The following EPB41L4A variants were observed in gnomAD, a reference collection of about 807,000 sequenced individuals.
EPB41L4A encodes band 4.1-like protein 4A.
In EPB41L4A, 100 loss-of-function variants were observed where a neutral mutation model predicts 108.6. The ratio of observed to expected loss-of-function variants is 0.92; its 90% CI spans 0.78 to 1.09. The LOEUF (loss-of-function observed/expected upper bound fraction) is 1.09, where lower values mean the gene tolerates loss of function less well. Among genes scored for constraint, EPB41L4A ranks in the 50% least tolerant of loss-of-function variants. The probability of loss-of-function intolerance (pLI) is 0.00; values close to 1 mark genes in which losing one functional copy is unlikely to be tolerated. For missense variants in EPB41L4A, 1,030 were observed against 842.7 expected (o/e 1.22, Z -2.75); for synonymous variants, 319 against 289.0 (o/e 1.10, Z -1.05).
At chr5:112,338,894 T>C (rs1362281220) in intron 1 of EPB41L4A, among the ~76,000 whole-genome samples, 1 of 152,190 alleles carries the variant, frequency 6.6e-6, no homozygotes, top group Non-Finnish European at 1.5e-5. Context: ...CAGCAAAGGT[T>C]TGCCAACTAC....
intron 18 of EPB41L4A, among the ~76,000 whole-genome samples, chr5:112,171,304 C>G (rs565926475): frequency 6.6e-6 from 1 of 152,176 alleles, no homozygotes; most frequent in East Asian, 1.9e-4. Context: ...TGATTCAGGG[C>G]GTCTGTTTCT....
chr5:112,183,507 C>T (rs1560055), intron 18 of EPB41L4A: 117,126 of 155,144 alleles, frequency 0.75, 44,686 homozygotes, highest in East Asian at 1. Flanking sequence ...CACACCATTA[C>T]GGTGTAATTG....
intron 11 of EPB41L4A, among the ~76,000 whole-genome samples, chr5:112,236,191 A>G (rs78889156): frequency 0.012 from 1,901 of 152,274 alleles, 41 homozygotes; most frequent in African/African-American, 0.044. Context: ...CTCTAGGAAC[A>G]AAAGAGAAAT....
chr5:112,357,722 G>C (rs963616193), intron 1 of EPB41L4A, among the ~76,000 whole-genome samples: 1 of 152,150 alleles, frequency 6.6e-6, no homozygotes, highest in African/African-American at 2.4e-5. Context: ...CTGAATCATG[G>C]GGTAAAGGTT....
At chr5:112,147,065 G>T (rs527871420) in intron 12 of EPB41L4A, among the ~76,000 whole-genome samples, 18 of 152,294 alleles carry the variant, frequency 1.2e-4, no homozygotes, top group African/African-American at 4.1e-4. Flanking sequence ...AATGTGTAAA[G>T]TGTAATGTGC....
intron 1 of EPB41L4A, among the ~76,000 whole-genome samples, chr5:112,311,485 C>T (rs1364590111): frequency 6.6e-6 from 1 of 152,134 alleles, no homozygotes; most frequent in Admixed American, 6.5e-5. Flanking sequence ...AATGGTTTCC[C>T]AGAGCTTTTT....
rs773584971 is a variant in EPB41L4A, at chr5:112,262,594, C to G, written c.555-13G>C. On this transcript the variant is annotated splice_polypyrimidine_tract_variant and intron_variant, in intron 6 of 22. Transcript: ENST00000261486. The stretch of plus-strand genomic sequence containing the variant: ...AGGAATCTGACCCCTACACCCAGCA[C>G]AAAAACAAAGAGCCTTATTTTACAG... 1.2e-6 allele frequency: 2 copies of G among 1,611,026 alleles called. No homozygotes were observed. The highest frequency in any genetic ancestry group is 2.2e-5 in the South Asian group (2 of 90,560).
chr5:112,186,643 G>A (rs951664875), intron 17 of EPB41L4A, among the ~76,000 whole-genome samples: 4 of 152,194 alleles, frequency 2.6e-5, no homozygotes, highest in Admixed American at 1.3e-4. Context: ...AAAAATGTAA[G>A]AGCCTTTGGA....
chr5:112,148,350 T>C (rs1759343452), intron 12 of EPB41L4A, among the ~76,000 whole-genome samples: 1 of 151,320 alleles, frequency 6.6e-6, no homozygotes, highest in Admixed American at 6.6e-5. Context: ...TATGGATAAA[T>C]GTGAATATTT....
intron 12 of EPB41L4A, among the ~76,000 whole-genome samples, chr5:112,215,009 T>C (rs774227691): frequency 6.6e-6 from 1 of 152,186 alleles, no homozygotes; most frequent in Non-Finnish European, 1.5e-5. Context: ...GGACACATCA[T>C]TGTGCACCCA....
intron 12 of EPB41L4A, among the ~76,000 whole-genome samples, chr5:112,153,965 A>G (rs999080208): frequency 2.0e-5 from 3 of 152,218 alleles, no homozygotes; most frequent in African/African-American, 7.2e-5. Context: ...CTCAAAAGTC[A>G]AAGAAGAAAA....
intron 1 of EPB41L4A, among the ~76,000 whole-genome samples, chr5:112,417,920 ACT>A (rs1472287730): frequency 1.3e-5 from 2 of 152,144 alleles, no homozygotes; most frequent in African/African-American, 4.8e-5. Context: ...CTATGTAAAA[ACT>A]GATTCACAAA....
intron 1 of EPB41L4A, among the ~76,000 whole-genome samples, chr5:112,413,606 G>A (rs1762534916): frequency 6.6e-6 from 1 of 152,338 alleles, no homozygotes. Flanking sequence ...TGTGACAGAT[G>A]CTGTAACAGG....
At chr5:112,397,391 G>T (rs545465521) in intron 1 of EPB41L4A, among the ~76,000 whole-genome samples, 1 of 152,076 alleles carries the variant, frequency 6.6e-6, no homozygotes, top group African/African-American at 2.4e-5. Context: ...CATGTATTAC[G>T]TCTTAAAAAT....
At chr5:112,207,569 T>C (rs1762531119) in intron 13 of EPB41L4A, among the ~76,000 whole-genome samples, 1 of 152,064 alleles carries the variant, frequency 6.6e-6, no homozygotes, top group African/African-American at 2.4e-5. Flanking sequence ...ACTTCAACAA[T>C]TCAACAAGAT....
intron 19 of EPB41L4A, 106 bp from the exon 20 acceptor site, chr5:112,170,475 A>G: frequency 2.7e-6 from 2 of 736,936 alleles, no homozygotes; most frequent in South Asian, 3.5e-5. Context: ...GTCCCAAAAC[A>G]GTGTTAGTAA....
Position 112,358,376 on chromosome 5 carries a change from T to A in EPB41L4A, c.100-50886A>T, listed in dbSNP as rs183847109. Among the ~76,000 whole-genome samples, 3 of 152,360 alleles carry A rather than the reference T, an allele frequency of 2.0e-5. No individual in the cohort carries two copies. The East Asian group carries it at 5.8e-4, about 29-fold the overall frequency. On this transcript the variant is annotated intron_variant, in intron 1 of 22. Transcript: ENST00000261486. ...ATGTTACAGATTAGTCCTATAGAAC[T>A]CTGGATAAACTGGAAAAGATAATTT...
intron 2 of EPB41L4A, among the ~76,000 whole-genome samples, chr5:112,300,321 G>A (rs1239561718): frequency 6.6e-6 from 1 of 152,118 alleles, no homozygotes; most frequent in Non-Finnish European, 1.5e-5. Context: ...GCTCCTTTTA[G>A]CAGTTCTTAT....
At chr5:112,399,912 T>C (rs1432847734) in intron 1 of EPB41L4A, among the ~76,000 whole-genome samples, 1 of 152,222 alleles carries the variant, frequency 6.6e-6, no homozygotes, top group Admixed American at 6.5e-5. Context: ...GGGCCCATCA[T>C]GTCTCCCACT....
Sources: allele counts gnomAD v4.1 joint callset (sites outside exome capture counted in the v4.1 genomes callset), GRCh38; gene constraint gnomAD v4.1.1; transcripts MANE v1.5; gene names NCBI Gene and HGNC (gene_info 2026-07-23, HGNC 2026-07-21).